Variants in SLC4A10 observed in about 807,000 individuals in gnomAD.
SLC4A10 encodes sodium-driven chloride bicarbonate exchanger.
A neutral mutation model predicts 137.7 loss-of-function variants in SLC4A10; 42 were observed. The observed-to-expected ratio is 0.30, with a 90% CI of 0.24 to 0.39. The LOEUF (loss-of-function observed/expected upper bound fraction) is 0.39. Ranked by LOEUF, SLC4A10 falls within the 10% of genes least tolerant of loss-of-function variation. SLC4A10 has a pLI of 1.00. For synonymous variants in SLC4A10, 474 were observed against 464.1 expected, an observed-to-expected ratio of 1.02 and a Z score of -0.27; for missense variants, 925 against 1,355.0, an observed-to-expected ratio of 0.68 and a Z score of 4.98.
intron 1 of SLC4A10, among the ~76,000 whole-genome samples, chr2:161,717,260 CTCTT>C (rs2045028269): frequency 6.6e-6 from 1 of 152,094 alleles, no homozygotes. Context: ...TTGATTTCTT[CTCTT>C]TCTATTTGAA....
chr2:161,690,813 T>C (rs1012614480), intron 1 of SLC4A10, among the ~76,000 whole-genome samples: 1 of 151,906 alleles, frequency 6.6e-6, no homozygotes, highest in Non-Finnish European at 1.5e-5. Flanking sequence ...AGGGACAGCA[T>C]CAGGAAAAAT....
intron 15 of SLC4A10, among the ~76,000 whole-genome samples, chr2:161,927,273 T>C (rs565638759): frequency 6.6e-6 from 1 of 152,194 alleles, no homozygotes; most frequent in African/African-American, 2.4e-5. Context: ...TATTCTTTTT[T>C]CTCTAAACTT....
At chr2:161,869,004 G>A (rs962178555) in intron 6 of SLC4A10, among the ~76,000 whole-genome samples, 14 of 151,496 alleles carry the variant, frequency 9.2e-5, no homozygotes, top group African/African-American at 2.4e-4. Flanking sequence ...CAGGTAAAAA[G>A]CATTTGTTTG....
Position 161,942,875 on chromosome 2 carries a change from T to G in SLC4A10, c.2081T>G (p.Ile694Ser), listed in dbSNP as rs900050569. The G allele has an allele frequency of 6.3e-7, 1 of 1,598,158 alleles. No individual in the cohort carries two copies. The highest frequency in any genetic ancestry group is 1.3e-5 in the African/African-American group (1 of 74,806). ...RESNISASDI[I>S]WENLTVSECK... is the part of the protein sequence containing the mutation. Reference sequence around the variant, plus strand: ...TCCAATATTTCTGCCTCTGACATAATTTGGGAGAACCTAACTGTGTCAGTA... The same window carrying G: ...TCCAATATTTCTGCCTCTGACATAAGTTGGGAGAACCTAACTGTGTCAGTA... Residue 694 changes from isoleucine (I) to serine (S), a missense_variant, in exon 16 of 27, where the codon ATT becomes AGT. By Grantham distance (142) the Ile-to-Ser change is moderately radical. This residue lies in a region of SLC4A10 where 91 missense variants were observed against 95.6 expected (regional missense o/e 0.95). Transcript: ENST00000446997.
chr2:161,959,142 G>T (rs570313978), intron 21 of SLC4A10, among the ~76,000 whole-genome samples: 2 of 152,202 alleles, frequency 1.3e-5, no homozygotes, highest in East Asian at 3.9e-4. Context: ...GTGAAGGAAG[G>T]TGTAGAAATA....
At chr2:161,841,386 G>A (rs182546823) in intron 4 of SLC4A10, among the ~76,000 whole-genome samples, 1 of 151,996 alleles carries the variant, frequency 6.6e-6, no homozygotes, top group Admixed American at 6.6e-5. Flanking sequence ...GCTGACACAG[G>A]TTTTATTGTT....
chr2:161,683,126 T>C (rs558722246), intron 1 of SLC4A10, among the ~76,000 whole-genome samples: 96 of 152,262 alleles, frequency 6.3e-4, no homozygotes, highest in Non-Finnish European at 1.3e-3. Flanking sequence ...GCATGGTTGA[T>C]TGGGGACCCC....
At chr2:161,797,665 A>C (rs1242942236) in intron 2 of SLC4A10, among the ~76,000 whole-genome samples, 1 of 152,014 alleles carries the variant, frequency 6.6e-6, no homozygotes, top group Non-Finnish European at 1.5e-5. Context: ...ACATATTTTT[A>C]GGTTTCATTC....
At chr2:161,951,922 A>G (rs1575812426) in intron 19 of SLC4A10, among the ~76,000 whole-genome samples, 2 of 152,284 alleles carry the variant, frequency 1.3e-5, no homozygotes, top group Non-Finnish European at 2.9e-5. Context: ...CTTAAAGCAA[A>G]GGACATTTTT....
At chr2:161,843,331 G>C (rs573190224) in intron 4 of SLC4A10, among the ~76,000 whole-genome samples, 81 of 152,244 alleles carry the variant, frequency 5.3e-4, no homozygotes, top group African/African-American at 1.9e-3. Context: ...TAACATGTTT[G>C]TCCTAAACCA....
chr2:161,794,999 G>T (rs1344703727), intron 2 of SLC4A10, among the ~76,000 whole-genome samples: 4 of 151,996 alleles, frequency 2.6e-5, no homozygotes, highest in Non-Finnish European at 5.9e-5. Flanking sequence ...AACAGTTTCT[G>T]TATGTCAATA....
At chr2:161,917,816 GC>G (rs1459635672) in intron 15 of SLC4A10, among the ~76,000 whole-genome samples, 1 of 152,110 alleles carries the variant, frequency 6.6e-6, no homozygotes, top group East Asian at 1.9e-4. Flanking sequence ...TTTCATTACT[GC>G]TTTCACAGTG....
At chr2:161,741,307 C>G (rs2047868133) in intron 1 of SLC4A10, among the ~76,000 whole-genome samples, 1 of 148,890 alleles carries the variant, frequency 6.7e-6, no homozygotes, top group Admixed American at 6.7e-5. Context: ...TCCGCTCTAC[C>G]AACTGAGCTA....
At chr2:161,660,357 G>C (rs983421039) in intron 1 of SLC4A10, among the ~76,000 whole-genome samples, 1 of 152,126 alleles carries the variant, frequency 6.6e-6, no homozygotes. Context: ...CGTGTGGCAC[G>C]TTCCATCTGC....
intron 6 of SLC4A10, among the ~76,000 whole-genome samples, chr2:161,864,196 T>A (rs367769272): frequency 1.3e-4 from 19 of 151,814 alleles, no homozygotes; most frequent in African/African-American, 4.6e-4. Context: ...AGCTAGACTC[T>A]GTCTCAAAAA....
chr2:161,680,621 T>G (rs1198914741), intron 1 of SLC4A10, among the ~76,000 whole-genome samples: 1 of 152,118 alleles, frequency 6.6e-6, no homozygotes, highest in Non-Finnish European at 1.5e-5. Flanking sequence ...ATTATAGGTT[T>G]GAATAAGGGA....
intron 23 of SLC4A10, among the ~76,000 whole-genome samples, chr2:161,971,774 G>A (rs1264397685): frequency 6.6e-6 from 1 of 152,210 alleles, no homozygotes; most frequent in Non-Finnish European, 1.5e-5. Context: ...GAAGGCAGCG[G>A]CTGCTCTGCC....
chr2:161,950,628 A>G, intron 18 of SLC4A10, 59 bp from the exon 19 acceptor site: 1 of 1,517,668 alleles, frequency 6.6e-7, no homozygotes. Flanking sequence ...GTAAGACCTA[A>G]TTTGATCAAG....
At chr2:161,683,012 A>T (rs2124838176) in intron 1 of SLC4A10, among the ~76,000 whole-genome samples, 1 of 152,182 alleles carries the variant, frequency 6.6e-6, no homozygotes, top group African/African-American at 2.4e-5. Context: ...ATAATATATA[A>T]ATAAGTTTAC....
Sources: allele counts gnomAD v4.1 joint callset (sites outside exome capture counted in the v4.1 genomes callset), GRCh38; gene constraint gnomAD v4.1.1; regional missense constraint gnomAD v4.1.1; transcripts MANE v1.5; gene names NCBI Gene and HGNC (gene_info 2026-07-23, HGNC 2026-07-21).